The following NIPAL1 variants were observed in gnomAD, a reference collection of about 807,000 sequenced individuals.
NIPAL1 encodes NIPA like domain containing 1.
NIPAL1 carries 35 observed loss-of-function variants against 37.7 expected under a neutral mutation model. The observed-to-expected ratio is 0.93, with a 90% CI of 0.71 to 1.23. NIPAL1 has a LOEUF of 1.23. NIPAL1 is among the 50% of genes most tolerant of loss of function. The pLI is 0.00. For synonymous variants in NIPAL1, 162 were observed against 183.0 expected, an observed-to-expected ratio of 0.89 and a Z score of 0.93; for missense variants, 412 against 473.9, an observed-to-expected ratio of 0.87 and a Z score of 1.21.
intron 3 of NIPAL1, among the ~76,000 whole-genome samples, chr4:48,032,044 G>A (rs1007872803): frequency 2.6e-5 from 4 of 152,118 alleles, no homozygotes; most frequent in African/African-American, 4.8e-5. Context: ...CGGCCTTGCC[G>A]TGATTCTTTC....
At chr4:48,018,167 G>A (rs933546223) in intron 1 of NIPAL1, among the ~76,000 whole-genome samples, 9 of 152,088 alleles carry the variant, frequency 5.9e-5, no homozygotes, top group Admixed American at 2.6e-4. Flanking sequence ...AAATTTTAAG[G>A]CAGCTGAATC....
intron 1 of NIPAL1, among the ~76,000 whole-genome samples, chr4:48,019,480 G>T (rs529392072): frequency 1.3e-5 from 2 of 152,354 alleles, no homozygotes; most frequent in South Asian, 2.1e-4. Context: ...GTGACTGAGA[G>T]GTTCCTTTAG....
At chr4:48,031,812 C>A (rs1267510805) in intron 3 of NIPAL1, among the ~76,000 whole-genome samples, 2 of 152,050 alleles carry the variant, frequency 1.3e-5, no homozygotes, top group Non-Finnish European at 2.9e-5. Flanking sequence ...GATCTCGGTT[C>A]ACTGCAACCT....
intron 1 of NIPAL1, among the ~76,000 whole-genome samples, chr4:48,022,416 G>C (rs563894155): frequency 7.2e-5 from 11 of 152,292 alleles, no homozygotes; most frequent in African/African-American, 2.6e-4. Context: ...CAGTTGCAAT[G>C]AGAACTTGCA....
rs1043698232 is a variant in NIPAL1, at chr4:48,040,092, T to A, written c.*3920T>A. 1 of 152,214 alleles carries A rather than the reference T, an allele frequency of 6.6e-6. No individual in the cohort carries two copies. Among genetic ancestry groups the A allele is most frequent in the African/African-American group, 2.4e-5 (1 of 41,458 alleles). The allele number at this position is 152,214 out of a possible 1,614,324, so 9.4% of individuals were successfully genotyped here. On this transcript the variant is annotated 3_prime_UTR_variant, in exon 6 of 6. Coordinates refer to ENST00000295461, the MANE Select transcript of NIPAL1 (RefSeq NM_207330.3). ...CATGAAGCCTTATATTTTGCAAGTG[T>A]TTTTACTGTTGATTTTAGAAAGTTT...
chr4:48,020,560 G>T (rs1490717115), intron 1 of NIPAL1, among the ~76,000 whole-genome samples: 1 of 152,178 alleles, frequency 6.6e-6, no homozygotes, highest in Non-Finnish European at 1.5e-5. Context: ...TCCTTCATGT[G>T]GGATGAGCTC....
At chr4:48,020,454 T>C (rs1043021917) in intron 1 of NIPAL1, among the ~76,000 whole-genome samples, 1 of 152,204 alleles carries the variant, frequency 6.6e-6, no homozygotes. Context: ...TATCACATAT[T>C]CTTGCTTAGG....
In NIPAL1 at chr4:48,016,800, G is replaced by C; in HGVS notation, c.-40G>C. ...GGTGCGTGTGGAGAGGCCCAGGTGA[G>C]GAGCAAGCGCCCGCGTTCCGGAAGC... On this transcript the variant is annotated 5_prime_UTR_variant, in exon 1 of 6. Coordinates refer to ENST00000295461, the MANE Select transcript of NIPAL1 (RefSeq NM_207330.3). 6.5e-7 allele frequency: 1 copy of C among 1,545,940 alleles called. No individual in the cohort carries two copies. The highest frequency in any genetic ancestry group is 1.9e-5 in the Admixed American group (1 of 52,288).
At chr4:48,025,938 C>T (rs1019618836) in intron 2 of NIPAL1, among the ~76,000 whole-genome samples, 2 of 152,098 alleles carry the variant, frequency 1.3e-5, no homozygotes, top group Non-Finnish European at 2.9e-5. Flanking sequence ...TTCTCCCTGC[C>T]CTTCATTCAG....
chr4:48,030,186 T>TA lies in NIPAL1; in HGVS notation c.370+12dup. On this transcript the variant is annotated intron_variant, in intron 3 of 5. Coordinates refer to ENST00000295461, the MANE Select transcript of NIPAL1 (RefSeq NM_207330.3). ...GTAGGATTGCTGTCAAGTAAGTTTT[T>TA]AATACTGAGAATACTGTTTATTTGT... The TA allele has an allele frequency of 6.6e-7, 1 of 1,509,226 alleles. No homozygotes were observed. Among genetic ancestry groups the TA allele is most frequent in the Admixed American group, 1.7e-5 (1 of 59,892 alleles). The allele number at this position is 1,509,226 out of a possible 1,614,324, so 93.5% of individuals were successfully genotyped here.
At chr4:48,020,837 A>AC (rs1458357172) in intron 1 of NIPAL1, among the ~76,000 whole-genome samples, 9 of 152,202 alleles carry the variant, frequency 5.9e-5, no homozygotes, top group Middle Eastern at 3.4e-3. Context: ...AGATGGTGAG[A>AC]CCCCCAACTG....
At chr4:48,022,828 A>AG (rs1715601931) in intron 1 of NIPAL1, among the ~76,000 whole-genome samples, 1 of 151,668 alleles carries the variant, frequency 6.6e-6, no homozygotes, top group Admixed American at 6.6e-5. Context: ...TACAAAAAAA[A>AG]ACTAAAAAAA....
rs1715422739 is a variant in NIPAL1, at chr4:48,016,880, GAGA to G, written c.44_46del (p.Glu15del). 2.5e-6 allele frequency: 4 copies of G among 1,596,854 alleles called. No homozygotes were observed. The highest frequency in any genetic ancestry group is 1.7e-5 in the Admixed American group (1 of 58,438). On this transcript the variant is annotated inframe_deletion and splice_region_variant, in exon 1 of 6. Coordinates refer to ENST00000295461, the MANE Select transcript of NIPAL1 (RefSeq NM_207330.3). ...AGGCTGCCGCCCGGAGAGCCCTGCC[GAGA>G]AGGTTTGTGTCTGCCCTGAGCCGAG...
chr4:48,038,193 T>C lies in NIPAL1; in HGVS notation c.*2021T>C, dbSNP rs910594433. 2.6e-5 allele frequency: 4 copies of C among 152,264 alleles called. No homozygotes were observed. Among genetic ancestry groups the C allele is most frequent in the Non-Finnish European group, 5.9e-5 (4 of 68,048 alleles). 9.4% of individuals were successfully genotyped at this position (152,264 alleles called of 1,614,324 possible). On this transcript the variant is annotated 3_prime_UTR_variant, in exon 6 of 6. Transcript: ENST00000295461. ...TTATAGTCTTTTCAGCATAGTTTAG[T>C]GTTGAGTGCAATTCTAATGCATTCT...
intron 2 of NIPAL1, among the ~76,000 whole-genome samples, chr4:48,025,875 G>T (rs1310775642): frequency 6.6e-6 from 1 of 151,930 alleles, no homozygotes; most frequent in African/African-American, 2.4e-5. Flanking sequence ...CTTGTTCCTG[G>T]AATATGTCTG....
chr4:48,023,022 G>A (rs1040513734), intron 1 of NIPAL1, among the ~76,000 whole-genome samples: 1 of 151,966 alleles, frequency 6.6e-6, no homozygotes, highest in African/African-American at 2.4e-5. Context: ...CAGCAGTTAG[G>A]ATATTTAGTT....
chr4:48,031,425 C>T (rs1189750003), intron 3 of NIPAL1, among the ~76,000 whole-genome samples: 1 of 152,098 alleles, frequency 6.6e-6, no homozygotes, highest in East Asian at 1.9e-4. Flanking sequence ...TTGACAAGGG[C>T]TGTCTGGGAA....
chr4:48,024,970 A>C, intron 1 of NIPAL1, 98 bp from the exon 2 acceptor site: 3 of 1,028,398 alleles, frequency 2.9e-6, no homozygotes, highest in Non-Finnish European at 4.4e-6. Context: ...AAAATGTTTC[A>C]GTACCATCCA....
At position 48,016,879 on chromosome 4, in the gene NIPAL1, C is replaced by T. The variant is rs1344108683; in HGVS notation, c.40C>T (p.Arg14Ter). The T allele has an allele frequency of 3.8e-6, 6 of 1,596,734 alleles. No homozygotes were observed. Among genetic ancestry groups the T allele is most frequent in the Non-Finnish European group, 5.1e-6 (6 of 1,173,838 alleles). Residue 14 changes from arginine to a stop codon, truncating the protein, a stop_gained, in exon 1 of 6, where the codon CGA becomes TGA. Coordinates refer to ENST00000295461, the MANE Select transcript of NIPAL1 (RefSeq NM_207330.3). LOFTEE classifies it high-confidence loss of function. ...GAGGCTGCCGCCCGGAGAGCCCTGC[C>T]GAGAAGGTTTGTGTCTGCCCTGAGC... ...QVRLPPGEPC[R>*]EGYVLSLVCP... is the part of the protein sequence containing the mutation.
Sources: allele counts gnomAD v4.1 joint callset (sites outside exome capture counted in the v4.1 genomes callset), GRCh38; gene constraint gnomAD v4.1.1; transcripts MANE v1.5; gene names NCBI Gene and HGNC (gene_info 2026-07-23, HGNC 2026-07-21).